TBC1D5: variants seen among roughly 807,000 people sequenced by gnomAD.
TBC1D5 encodes the protein TBC1 domain family, member 5.
A neutral mutation model predicts 100.3 loss-of-function variants in TBC1D5; 75 were observed. That is an observed-to-expected ratio of 0.75 (90% CI 0.62 to 0.91). The LOEUF is 0.91. TBC1D5 is among the 40% of genes least tolerant of loss of function. The probability of loss-of-function intolerance (pLI) is 0.00; values close to 1 mark genes in which losing one functional copy is unlikely to be tolerated. For missense variants in TBC1D5, 910 were observed against 942.4 expected (o/e 0.97, Z 0.45); for synonymous variants, 323 against 325.6 (o/e 0.99, Z 0.09).
At chr3:17,489,268 C>T (rs2095609074) in intron 3 of TBC1D5, among the ~76,000 whole-genome samples, 1 of 151,852 alleles carries the variant, frequency 6.6e-6, no homozygotes, top group Non-Finnish European at 1.5e-5. Context: ...TCTACTACTG[C>T]TAAGTAGATT....
chr3:17,436,753 A>G (rs918487217), intron 3 of TBC1D5, among the ~76,000 whole-genome samples: 4 of 152,320 alleles, frequency 2.6e-5, no homozygotes, highest in Admixed American at 2.0e-4. Flanking sequence ...AAAAACTAAA[A>G]CCATGGTCAG....
intron 4 of TBC1D5, among the ~76,000 whole-genome samples, chr3:17,408,203 A>C (rs532797099): frequency 6.6e-6 from 1 of 151,732 alleles, no homozygotes; most frequent in Non-Finnish European, 1.5e-5. Context: ...GAGTAATAAC[A>C]ATCTACTTAA....
rs374684563 is a variant in TBC1D5 at position 17,372,019 on chromosome 3, A to C, written c.995+56T>G. On this transcript the variant is annotated intron_variant, in intron 13 of 21. Transcript: ENST00000253692. ...GCCACTGCACTCTAGCATGGGTGAA[A>C]GATGGAGACTCTGTCTCAAAAAACA... 5.1e-5 allele frequency: 50 copies of C among 980,296 alleles called. No individual in the cohort carries two copies. The East Asian group carries it at 6.5e-4, about 13-fold the overall frequency. The allele number at this position is 980,296 out of a possible 1,614,324, so 60.7% of individuals were successfully genotyped here.
chr3:17,204,659 C>T (rs947102462), intron 18 of TBC1D5, among the ~76,000 whole-genome samples: 2 of 152,092 alleles, frequency 1.3e-5, no homozygotes, highest in African/African-American at 4.8e-5. Flanking sequence ...ACCCAAAGGG[C>T]ACTGTTCTGC....
At chr3:17,363,040 C>G (rs1299513167) in intron 13 of TBC1D5, among the ~76,000 whole-genome samples, 1 of 152,064 alleles carries the variant, frequency 6.6e-6, no homozygotes, top group Non-Finnish European at 1.5e-5. Flanking sequence ...TTCAAAGAAA[C>G]AACTCATTTC....
intron 2 of TBC1D5, among the ~76,000 whole-genome samples, chr3:17,556,755 AT>A (rs1431858529): frequency 4.6e-5 from 7 of 152,250 alleles, no homozygotes. Context: ...TCCATAAATG[AT>A]TGTTATACAC....
chr3:17,423,117 C>G (rs961162623), intron 4 of TBC1D5, among the ~76,000 whole-genome samples: 1 of 152,086 alleles, frequency 6.6e-6, no homozygotes. Context: ...TTTGGAAGCT[C>G]TGATAAATAT....
At chr3:17,406,467 C>T in exon 5 of TBC1D5, 10 of 1,611,402 alleles carry the variant, frequency 6.2e-6, no homozygotes, top group Non-Finnish European at 8.5e-6. Context: ...CCCATTAATC[C>T]CCTTCTGCCT....
chr3:17,341,984 A>T (rs2089039313), intron 13 of TBC1D5, among the ~76,000 whole-genome samples: 1 of 152,044 alleles, frequency 6.6e-6, no homozygotes, highest in South Asian at 2.1e-4. Context: ...ACTGCTATTG[A>T]CCTTATCATT....
At chr3:17,297,114 A>C (rs1029238271) in intron 14 of TBC1D5, among the ~76,000 whole-genome samples, 1 of 152,242 alleles carries the variant, frequency 6.6e-6, no homozygotes, top group Non-Finnish European at 1.5e-5. Context: ...GTGTGAGCAG[A>C]GAAAGATCAC....
intron 12 of TBC1D5, 87 bp downstream of exon 12, chr3:17,374,384 T>C: frequency 7.9e-7 from 1 of 1,267,942 alleles, no homozygotes; most frequent in South Asian, 1.5e-5. Context: ...ATAAAGGCTA[T>C]ATACTATTCT....
intron 13 of TBC1D5, among the ~76,000 whole-genome samples, chr3:17,309,080 AT>A (rs1247485415): frequency 6.6e-6 from 1 of 152,038 alleles, no homozygotes; most frequent in Non-Finnish European, 1.5e-5. Flanking sequence ...AAAATTCCAA[AT>A]TTTTAGCACC....
chr3:17,551,966 T>C (rs577433842), intron 2 of TBC1D5, among the ~76,000 whole-genome samples: 20 of 152,232 alleles, frequency 1.3e-4, no homozygotes, highest in Non-Finnish European at 2.4e-4. Flanking sequence ...CCCTTTTATT[T>C]TCTAACACAT....
Position 17,363,734 on chromosome 3 carries a change from T to C in TBC1D5, c.995+8341A>G, listed in dbSNP as rs558734898. 2.0e-5 allele frequency among the ~76,000 whole-genome samples: 3 copies of C among 152,134 alleles called. 1 individual carries two copies. The highest frequency in any genetic ancestry group is 1.5e-5 in the Non-Finnish European group (1 of 67,986). On this transcript the variant is annotated intron_variant, in intron 13 of 21. Coordinates refer to ENST00000253692, the Ensembl canonical transcript of TBC1D5. ...CTGTTTCTTTAAATGTTTGAATAGC[T>C]GAAAGTTTTCACTATATGTACTGGC...
chr3:17,317,618 A>AT (rs1039828967), intron 13 of TBC1D5, among the ~76,000 whole-genome samples: 1 of 152,198 alleles, frequency 6.6e-6, no homozygotes, highest in Non-Finnish European at 1.5e-5. Context: ...TGTATATAAT[A>AT]TTTTTTTAAG....
chr3:17,336,957 T>C (rs1449990813), intron 13 of TBC1D5, among the ~76,000 whole-genome samples: 2 of 152,018 alleles, frequency 1.3e-5, no homozygotes, highest in African/African-American at 4.8e-5. Context: ...ATAGAGAGGG[T>C]GATTGCCTAC....
intron 21 of TBC1D5, 134 bp downstream of exon 22, chr3:17,166,633 A>C: frequency 8.0e-7 from 1 of 1,246,346 alleles, no homozygotes; most frequent in South Asian, 1.6e-5. Flanking sequence ...ACAGCTGTAC[A>C]CAGCACCTCC....
intron 3 of TBC1D5, among the ~76,000 whole-genome samples, chr3:17,453,079 TAAAAAAAAAA>T (rs570210975): frequency 1.2e-5 from 1 of 81,904 alleles, no homozygotes; most frequent in Non-Finnish European, 2.8e-5. Context: ...AATGAAGAAA[TAAAAAAAAAA>T]AAAAAAAGAA....
chr3:17,714,679 AC>A (rs2075069311), intron 1 of TBC1D5, among the ~76,000 whole-genome samples: 1 of 152,246 alleles, frequency 6.6e-6, no homozygotes, highest in Non-Finnish European at 1.5e-5. Flanking sequence ...TGGGAAAACA[AC>A]TAAACAAGTC....
Sources: gnomAD v4.1 joint callset for allele counts (sites outside exome capture counted in the v4.1 genomes callset) on GRCh38, gnomAD v4.1.1 for gene constraint, MANE v1.5 for transcripts, NCBI Gene and HGNC (gene_info 2026-07-23, HGNC 2026-07-21) for gene names.